MSI2: variants seen among roughly 807,000 people sequenced by gnomAD.
MSI2 encodes the protein RNA-binding protein Musashi homolog 2.
In MSI2, 17 loss-of-function variants were observed where a neutral mutation model predicts 45.6. The ratio of observed to expected loss-of-function variants is 0.37; its 90% CI spans 0.26 to 0.56. MSI2 has a LOEUF of 0.56. Among genes scored for constraint, MSI2 ranks in the 20% least tolerant of loss-of-function variants. The pLI, the probability that MSI2 is intolerant of heterozygous loss-of-function variation, is 0.77. For missense variants in MSI2, 293 were observed against 444.2 expected (o/e 0.66, Z 3.06); for synonymous variants, 156 against 158.2 (o/e 0.99, Z 0.11).
chr17:57,579,188 G>A (rs934536707), intron 7 of MSI2, among the ~76,000 whole-genome samples: 13 of 152,282 alleles, frequency 8.5e-5, no homozygotes, highest in African/African-American at 2.6e-4. Flanking sequence ...AATAAACTAA[G>A]GAAAGGATGA....
At chr17:57,341,402 A>G (rs901003763) in intron 5 of MSI2, among the ~76,000 whole-genome samples, 3 of 152,354 alleles carry the variant, frequency 2.0e-5, no homozygotes, top group African/African-American at 2.4e-5. Context: ...TAAAGTGGGG[A>G]AAAACCAAAC....
At chr17:57,485,074 C>CCGG (rs2085725754) in intron 6 of MSI2, among the ~76,000 whole-genome samples, 1 of 152,188 alleles carries the variant, frequency 6.6e-6, no homozygotes, top group Non-Finnish European at 1.5e-5. Context: ...GCCCTTAGTG[C>CCGG]CGGCTCACTG....
rs117459559 is a variant in MSI2, at chr17:57,655,767, T to A, written c.790+3606T>A. Among the ~76,000 whole-genome samples the A allele has an allele frequency of 6.8e-3, 1,042 of 152,310 alleles. 10 individuals carry two copies. Among genetic ancestry groups the A allele is most frequent in the Non-Finnish European group, 0.011 (749 of 68,018 alleles). On this transcript the variant is annotated intron_variant, in intron 11 of 13. Transcript: ENST00000284073. ...AAGGTTTGTCCACACCTATTAATCCTCTCTCAGTGTCCAGCTTCCTGTTAG... is the reference window on the plus strand; with the variant it reads ...AAGGTTTGTCCACACCTATTAATCCACTCTCAGTGTCCAGCTTCCTGTTAG...
At chr17:57,563,500 C>G (rs1294387930) in intron 7 of MSI2, among the ~76,000 whole-genome samples, 1 of 152,172 alleles carries the variant, frequency 6.6e-6, no homozygotes, top group African/African-American at 2.4e-5. Flanking sequence ...CAAGCTAGAA[C>G]CAAGCTGGGA....
chr17:57,291,151 C>T (rs1327259993), intron 5 of MSI2, among the ~76,000 whole-genome samples: 1 of 152,182 alleles, frequency 6.6e-6, no homozygotes, highest in Non-Finnish European at 1.5e-5. Flanking sequence ...CAGGTTGTGT[C>T]GTTTCAGCGG....
chr17:57,645,706 G>A (rs985378041), intron 10 of MSI2, among the ~76,000 whole-genome samples: 1 of 151,916 alleles, frequency 6.6e-6, no homozygotes, highest in Admixed American at 6.6e-5. Flanking sequence ...TCTCCCAAAG[G>A]CATGAGACAC....
chr17:57,618,740 C>T (rs1488821558), intron 9 of MSI2, among the ~76,000 whole-genome samples: 1 of 152,050 alleles, frequency 6.6e-6, no homozygotes, highest in Non-Finnish European at 1.5e-5. Context: ...GACGGGATTT[C>T]ACCATGTTGG....
At chr17:57,646,432 C>T (rs543998455) in intron 10 of MSI2, among the ~76,000 whole-genome samples, 1 of 152,304 alleles carries the variant, frequency 6.6e-6, no homozygotes, top group South Asian at 2.1e-4. Flanking sequence ...TTAGATGAGT[C>T]ACTAACCCCA....
intron 5 of MSI2, among the ~76,000 whole-genome samples, chr17:57,292,137 A>G (rs750300540): frequency 2.0e-5 from 3 of 151,218 alleles, no homozygotes; most frequent in Non-Finnish European, 4.4e-5. Context: ...ATTGGGGGCT[A>G]GGGAGACCCT....
At chr17:57,469,657 G>A (rs1318947471) in intron 6 of MSI2, among the ~76,000 whole-genome samples, 1 of 152,246 alleles carries the variant, frequency 6.6e-6, no homozygotes, top group Non-Finnish European at 1.5e-5. Flanking sequence ...CATGGAGACT[G>A]GGGGAGAGAG....
At chr17:57,296,503 T>A (rs368569289) in intron 5 of MSI2, among the ~76,000 whole-genome samples, 21 of 152,268 alleles carry the variant, frequency 1.4e-4, no homozygotes, top group African/African-American at 5.1e-4. Context: ...GAAGATCGTG[T>A]CAAAGATTGC....
chr17:57,399,403 C>T (rs528758330), intron 5 of MSI2, among the ~76,000 whole-genome samples: 13 of 152,326 alleles, frequency 8.5e-5, no homozygotes, highest in African/African-American at 2.9e-4. Context: ...CACTGTGGAA[C>T]GTCCATGACA....
intron 5 of MSI2, among the ~76,000 whole-genome samples, chr17:57,321,062 C>G (rs1187199885): frequency 1.3e-5 from 2 of 151,612 alleles, no homozygotes; most frequent in Non-Finnish European, 2.9e-5. Flanking sequence ...TATCCACTGG[C>G]TGTCTTACTC....
chr17:57,431,836 C>A (rs1184089721), intron 6 of MSI2, among the ~76,000 whole-genome samples: 1 of 152,178 alleles, frequency 6.6e-6, no homozygotes, highest in Admixed American at 6.5e-5. Flanking sequence ...CTCTCTGCCC[C>A]CAGTGTCCAC....
chr17:57,290,786 G>A (rs1910337837), intron 5 of MSI2, among the ~76,000 whole-genome samples: 3 of 152,224 alleles, frequency 2.0e-5, no homozygotes, highest in South Asian at 4.1e-4. Flanking sequence ...TGGTGATATT[G>A]CAGGGAGCCC....
chr17:57,550,650 A>G (rs1279719999), intron 7 of MSI2, among the ~76,000 whole-genome samples: 2 of 152,180 alleles, frequency 1.3e-5, no homozygotes. Flanking sequence ...CCGTTTTCTT[A>G]ATACCTGTCT....
intron 6 of MSI2, among the ~76,000 whole-genome samples, chr17:57,500,065 C>T (rs547670556): frequency 1.3e-5 from 2 of 152,202 alleles, no homozygotes; most frequent in Admixed American, 6.5e-5. Context: ...GAGGTCCTAT[C>T]GTAGATCGCA....
intron 7 of MSI2, among the ~76,000 whole-genome samples, chr17:57,558,428 A>C (rs1449353690): frequency 6.6e-6 from 1 of 152,182 alleles, no homozygotes; most frequent in Non-Finnish European, 1.5e-5. Flanking sequence ...GAGTGGGGTC[A>C]GGAGGGTTTG....
In MSI2 at chr17:57,256,967, T is replaced by C. The variant is rs1421156462; in HGVS notation, c.63-131T>C. On this transcript the variant is annotated intron_variant, in intron 1 of 13. Transcript: ENST00000284073. ...CTTTGGATTGCATTTCGCCGTCACC[T>C]TCTCCCCCACCCCACCTCCCGGCTC... 7.7e-6 allele frequency: 11 copies of C among 1,424,090 alleles called. No homozygotes were observed. The Admixed American group carries it at 8.4e-5, about 11-fold the overall frequency. 88.2% of individuals were successfully genotyped at this position (1,424,090 alleles called of 1,614,324 possible). A position where few individuals can be genotyped will look rare whatever the true frequency, so the allele number is the denominator to read the frequency against.
Sources: allele counts gnomAD v4.1 joint callset (sites outside exome capture counted in the v4.1 genomes callset), GRCh38; gene constraint gnomAD v4.1.1; transcripts MANE v1.5; gene names NCBI Gene and HGNC (gene_info 2026-07-23, HGNC 2026-07-21).